The following MORN1 variants were observed in gnomAD, a reference collection of about 807,000 sequenced individuals.
MORN1 encodes MORN repeat-containing protein 1.
MORN1 carries 67 observed loss-of-function variants against 61.9 expected under a neutral mutation model. The observed-to-expected ratio is 1.08, with a 90% confidence interval of 0.89 to 1.33. The LOEUF is 1.33. MORN1 is among the 40% of genes most tolerant of loss of function. The pLI, the probability that MORN1 is intolerant of heterozygous loss-of-function variation, is 0.00. For synonymous variants in MORN1, 301 were observed against 292.0 expected, an observed-to-expected ratio of 1.03 and a Z score of -0.31; for missense variants, 752 against 691.2, an observed-to-expected ratio of 1.09 and a Z score of -0.99.
intron 6 of MORN1, among the ~76,000 whole-genome samples, chr1:2,381,903 G>T (rs976734916): frequency 6.6e-6 from 1 of 152,214 alleles, no homozygotes. Context: ...GTGTGGTGCC[G>T]GGACAGGGCT....
chr1:2,390,026 G>T, intron 1 of MORN1, 30 bp from the exon 2 acceptor site: 3 of 1,581,864 alleles, frequency 1.9e-6, no homozygotes, highest in Non-Finnish European at 2.6e-6. Flanking sequence ...ACACAGGTAA[G>T]CACAGACACA....
chr1:2,321,680 G>GC, intron 13 of MORN1, 101 bp from the exon 14 acceptor site: 1 of 1,368,120 alleles, frequency 7.3e-7, no homozygotes, highest in Non-Finnish European at 9.5e-7. Flanking sequence ...TGGCCCCTGT[G>GC]CCCCCGACCC....
chr1:2,391,464 G>C lies in MORN1; in HGVS notation c.70C>G (p.Arg24Gly), dbSNP rs571636981. ...PRRDPPRRPP[R>G]NGYGVYVYPN... ...CGTGGCCCGCAGTCGTTACCGTTCC[G>C]GGGCGGCCGCCTAGGCGGGTCCCGA... Residue 24 changes from arginine to glycine, a missense_variant, in exon 1 of 14, where the codon CGG becomes GGG. Arg to Gly is a moderately radical substitution (Grantham distance 125). Transcript: ENST00000378531. The C allele has an allele frequency of 6.4e-6, 8 of 1,255,536 alleles. No individual in the cohort carries two copies. The African/African-American group carries it at 7.7e-5, about 12-fold the overall frequency. The allele number at this position is 1,255,536 out of a possible 1,614,324, so 77.8% of individuals were successfully genotyped here. A position where few individuals can be genotyped will look rare whatever the true frequency, so the allele number is the denominator to read the frequency against.
intron 8 of MORN1, among the ~76,000 whole-genome samples, chr1:2,364,049 C>T (rs1399769229): frequency 3.3e-5 from 5 of 152,034 alleles, no homozygotes; most frequent in Non-Finnish European, 7.4e-5. Context: ...CGACGATATG[C>T]TGTCTACAAA....
intron 12 of MORN1, among the ~76,000 whole-genome samples, chr1:2,325,119 T>TTCCCTTCCCTCCC (rs1640980216): frequency 1.8e-5 from 1 of 55,628 alleles, no homozygotes. Flanking sequence ...CTTCCCTTCC[T>TTCCCTTCCCTCCC]TCCCTTCCTT....
In MORN1 at chr1:2,385,813, AGCATCT is replaced by A. The variant is rs754675848; in HGVS notation, c.437_442del (p.Gln146_Met147del). The A allele has an allele frequency of 3.7e-6, 6 of 1,613,554 alleles. No homozygotes were observed. The highest frequency in any genetic ancestry group is 5.1e-6 in the Non-Finnish European group (6 of 1,179,864). ...CCACAAGACTCATACTCACTGAAAG[AGCATCT>A]GCCCAGGGCCGTGCCTCTTGTTGTC... is the stretch of plus-strand genomic sequence containing the variant. On this transcript the variant is annotated inframe_deletion, in exon 5 of 14. Coordinates refer to ENST00000378531, the MANE Select transcript of MORN1 (RefSeq NM_024848.3).
At chr1:2,336,362 G>T in intron 12 of MORN1, 107 bp downstream of exon 12, 2 of 1,163,044 alleles carry the variant, frequency 1.7e-6, no homozygotes, top group South Asian at 3.0e-5. Flanking sequence ...TGTCTTCCCA[G>T]ACCAGGCCCT....
Position 2,387,547 on chromosome 1 carries a change from G to A in MORN1, c.248-18C>T. 1.3e-6 allele frequency: 2 copies of A among 1,579,506 alleles called. No homozygotes were observed. The highest frequency in any genetic ancestry group is 1.7e-6 in the Non-Finnish European group (2 of 1,153,780). ...GGTGTCTCCTGCATGTGGACAAGGAGGAGGGGAGACAGGAGGTTCAGTTCA... is the reference window on the plus strand; with the variant it reads ...GGTGTCTCCTGCATGTGGACAAGGAAGAGGGGAGACAGGAGGTTCAGTTCA... On this transcript the variant is annotated intron_variant, in intron 3 of 13. Coordinates refer to ENST00000378531, the MANE Select transcript of MORN1 (RefSeq NM_024848.3).
chr1:2,321,748 C>T lies in MORN1; in HGVS notation c.1298-169G>A, dbSNP rs112049961. Among the ~76,000 whole-genome samples the T allele has an allele frequency of 7.5e-3, 1,148 of 152,220 alleles. 17 individuals are homozygous for T. The highest frequency in any genetic ancestry group is 0.026 in the African/African-American group (1,071 of 41,536). ...GCACTGTAACCACAGGACTGGCCAC[C>T]GGACCGGTCCTGGGGGGCTGGACAC... On this transcript the variant is annotated intron_variant, in intron 13 of 13. Coordinates refer to ENST00000378531, the MANE Select transcript of MORN1 (RefSeq NM_024848.3).
Position 2,321,403 on chromosome 1 carries a change from C to G in MORN1, c.1474G>C (p.Glu492Gln). 2.6e-6 allele frequency: 4 copies of G among 1,534,354 alleles called. No individual in the cohort carries two copies. The highest frequency in any genetic ancestry group is 3.5e-6 in the Non-Finnish European group (4 of 1,139,978). ...SWQAAHSCTP[E>Q]PPAPR ...GGGCCTCACCGAGGCGCTGGCGGCT[C>G]TGGGGTGCAGCTGTGGGCGGCCTGC... Residue 492 changes from glutamate to glutamine, a missense_variant, in exon 14 of 14, where the codon GAG becomes CAG. Transcript: ENST00000378531.
At chr1:2,383,678 G>A (rs911555232) in intron 6 of MORN1, among the ~76,000 whole-genome samples, 4 of 152,158 alleles carry the variant, frequency 2.6e-5, no homozygotes, top group African/African-American at 9.6e-5. Flanking sequence ...TTAGAGACCT[G>A]CACGCGTGGT....
intron 10 of MORN1, among the ~76,000 whole-genome samples, chr1:2,343,028 C>A (rs1007546404): frequency 6.6e-6 from 1 of 152,032 alleles, no homozygotes; most frequent in African/African-American, 2.4e-5. Context: ...CGTGGCCCCG[C>A]GCCAGCTCCC....
In MORN1 at chr1:2,322,775, C is replaced by T. The variant is rs558952071; in HGVS notation, c.1298-1196G>A. 8.4e-5 allele frequency: 83 copies of T among 985,424 alleles called. No homozygotes were observed. In the South Asian group the frequency reaches 2.5e-3, roughly 30 times the overall value. The allele number at this position is 985,424 out of a possible 1,614,324, so 61.0% of individuals were successfully genotyped here. ...GTGGCCAAGGCGCTGGCCGGGGGGC[C>T]GAGAGCTCAGTGGGCAGTGGCTGAG... On this transcript the variant is annotated intron_variant, in intron 13 of 13. Transcript: ENST00000378531.
chr1:2,380,022 G>A (rs1029161382), intron 6 of MORN1, among the ~76,000 whole-genome samples: 5 of 152,206 alleles, frequency 3.3e-5, no homozygotes, highest in Admixed American at 6.5e-5. Context: ...CTGTCCACAC[G>A]GGGTGGTGGT....
intron 8 of MORN1, among the ~76,000 whole-genome samples, chr1:2,363,901 G>A (rs1047217589): frequency 4.0e-5 from 6 of 150,902 alleles, no homozygotes; most frequent in African/African-American, 1.5e-4. Context: ...ATATAGAGGG[G>A]AAACAAACAG....
chr1:2,360,760 T>A (rs544917937), intron 8 of MORN1, among the ~76,000 whole-genome samples: 3 of 152,066 alleles, frequency 2.0e-5, no homozygotes, highest in African/African-American at 7.2e-5. Context: ...TCTGAAGAAT[T>A]AAGAGGGACC....
intron 10 of MORN1, among the ~76,000 whole-genome samples, chr1:2,338,363 C>T (rs987667452): frequency 5.9e-5 from 9 of 152,182 alleles, no homozygotes; most frequent in Non-Finnish European, 1.0e-4. Flanking sequence ...TATTTACGTC[C>T]GGGGCAATGG....
rs1345057691 is a variant in MORN1 at position 2,369,390 on chromosome 1, G to T, written c.745+3091C>A. Among the ~76,000 whole-genome samples, 3 of 148,578 alleles carry T rather than the reference G, an allele frequency of 2.0e-5. No individual in the cohort carries two copies. In the East Asian group the frequency reaches 5.9e-4, roughly 29 times the overall value. On this transcript the variant is annotated intron_variant, in intron 8 of 13. Coordinates refer to ENST00000378531, the MANE Select transcript of MORN1 (RefSeq NM_024848.3). ...AAAAAAAAAAAGAAGACAGACAATA[G>T]CAAGTACTGAGGAGGGTGTAAAGCC...
At chr1:2,388,140 C>G in intron 3 of MORN1, 99 bp downstream of exon 3, 1 of 928,416 alleles carries the variant, frequency 1.1e-6, no homozygotes, top group Non-Finnish European at 1.7e-6. Flanking sequence ...CAAAGCTTCC[C>G]GTCTACACGT....
Sources: gnomAD v4.1 joint callset for allele counts (sites outside exome capture counted in the v4.1 genomes callset) on GRCh38, gnomAD v4.1.1 for gene constraint, MANE v1.5 for transcripts, NCBI Gene and HGNC (gene_info 2026-07-23, HGNC 2026-07-21) for gene names.